RPS6KA3: variants seen among roughly 807,000 people sequenced by gnomAD.
RPS6KA3 encodes the protein ribosomal protein S6 kinase alpha-3.
RPS6KA3 carries 4 observed loss-of-function variants against 67.2 expected under a neutral mutation model. The observed-to-expected ratio is 0.06, with a 90% CI of 0.03 to 0.14. The LOEUF is 0.14. Ranked by LOEUF, RPS6KA3 falls within the 10% of genes least tolerant of loss-of-function variation. The pLI is 1.00. For missense variants in RPS6KA3, 204 were observed against 559.0 expected (o/e 0.36, Z 6.40); for synonymous variants, 182 against 183.7 (o/e 0.99, Z 0.07).
chrX:20,172,203 C>T (rs2067590368), intron 15 of RPS6KA3, among the ~76,000 whole-genome samples: 1 of 112,236 alleles, frequency 8.9e-6, no homozygotes, highest in African/African-American at 3.2e-5. Flanking sequence ...TGTTCACTTA[C>T]GACTAAAGGT....
intron 3 of RPS6KA3, among the ~76,000 whole-genome samples, chrX:20,205,889 T>G (rs2068562304): frequency 8.9e-6 from 1 of 112,561 alleles, no homozygotes; most frequent in African/African-American, 3.2e-5. Flanking sequence ...GTTTGCAAAA[T>G]ACTTTCACAA....
At chrX:20,192,119 C>T (rs764919743) in intron 7 of RPS6KA3, among the ~76,000 whole-genome samples, 1 of 111,204 alleles carries the variant, frequency 9.0e-6, no homozygotes, top group Admixed American at 9.6e-5. Context: ...TAAAAATATT[C>T]CTGGTAGAGC....
chrX:20,157,854 C>T (rs973915589), intron 20 of RPS6KA3, among the ~76,000 whole-genome samples: 2 of 111,237 alleles, frequency 1.8e-5, no homozygotes, highest in African/African-American at 3.3e-5. Context: ...CAGTACAATG[C>T]GGCTACAGCA....
chrX:20,174,516 T>G (rs2067651535), intron 14 of RPS6KA3, among the ~76,000 whole-genome samples: 1 of 108,010 alleles, frequency 9.3e-6, no homozygotes, highest in African/African-American at 3.4e-5. Flanking sequence ...GCCCAGCTAA[T>G]TTTTGTATTT....
intron 2 of RPS6KA3, among the ~76,000 whole-genome samples, chrX:20,221,667 G>A (rs1212935893): frequency 8.9e-6 from 1 of 111,960 alleles, no homozygotes; most frequent in Non-Finnish European, 1.9e-5. Context: ...ACAGGTGACA[G>A]GCCCATGAGT....
At chrX:20,207,833 T>G (rs1221193664) in intron 3 of RPS6KA3, among the ~76,000 whole-genome samples, 1 of 112,254 alleles carries the variant, frequency 8.9e-6, no homozygotes, top group Non-Finnish European at 1.9e-5. Context: ...ATTACCTATG[T>G]TAGCCAAGAA....
At chrX:20,265,361 G>T (rs1050898615) in intron 1 of RPS6KA3, 1 of 112,098 alleles carries the variant, frequency 8.9e-6, no homozygotes, top group Non-Finnish European at 1.9e-5. Flanking sequence ...TTTTACTGAC[G>T]TAACCAGTAA....
chrX:20,257,648 T>C (rs2147073305), intron 1 of RPS6KA3, among the ~76,000 whole-genome samples: 1 of 112,200 alleles, frequency 8.9e-6, no homozygotes, highest in Admixed American at 9.4e-5. Context: ...ACTTTTTCCG[T>C]TTTAACTAGC....
intron 15 of RPS6KA3, among the ~76,000 whole-genome samples, chrX:20,171,416 A>C (rs775916073): frequency 8.9e-6 from 1 of 111,834 alleles, no homozygotes; most frequent in South Asian, 3.7e-4. Flanking sequence ...TTAAGAGGAG[A>C]GGTATATGGA....
chrX:20,235,674 A>AGGGTAC (rs1433958346), intron 1 of RPS6KA3, among the ~76,000 whole-genome samples: 7 of 111,737 alleles, frequency 6.3e-5, no homozygotes. Flanking sequence ...AGTATTAACG[A>AGGGTAC]GGGTACGGGG....
Position 20,178,481 on chromosome X carries a change from G to GTTTTTTT in RPS6KA3, c.846-1404_846-1398dup, listed in dbSNP as rs59662504. 5.0e-3 allele frequency among the ~76,000 whole-genome samples: 424 copies of GTTTTTTT among 84,382 alleles called. 1 individual carries two copies. Among genetic ancestry groups the GTTTTTTT allele is most frequent in the African/African-American group, 0.018 (395 of 22,147 alleles). The allele number at this position is 84,382 out of a possible 115,157, so 73.3% of individuals were successfully genotyped here. On this transcript the variant is annotated intron_variant, in intron 10 of 21. Coordinates refer to ENST00000379565, the MANE Select transcript of RPS6KA3 (RefSeq NM_004586.3). Reference sequence around the variant, plus strand: ...TGAGAAATCTAGAGCAAACAAATCAGTTTTTTTTTTTTTTTTTTTTAAGAC... The same window carrying GTTTTTTT: ...TGAGAAATCTAGAGCAAACAAATCAGTTTTTTTTTTTTTTTTTTTTTTTTTTTAAGAC...
rs193166767 is a variant in RPS6KA3, at chrX:20,155,763, G to A, written c.2101-243C>T. Among the ~76,000 whole-genome samples the A allele has an allele frequency of 2.0e-3, 222 of 111,488 alleles. 1 individual carries two copies. The highest frequency in any genetic ancestry group is 2.8e-3 in the Non-Finnish European group (147 of 53,135). ...TAACAGGCAGTCCTCACTTTTCTCAGGACTATTCAACATTTTTTCCCTTTG... is the reference window on the plus strand; with the variant it reads ...TAACAGGCAGTCCTCACTTTTCTCAAGACTATTCAACATTTTTTCCCTTTG... On this transcript the variant is annotated intron_variant, in intron 21 of 21. Transcript: ENST00000379565.
At chrX:20,234,429 C>T (rs1400047198) in intron 2 of RPS6KA3, among the ~76,000 whole-genome samples, 5 of 111,722 alleles carry the variant, frequency 4.5e-5, no homozygotes, top group African/African-American at 1.3e-4. Flanking sequence ...GAGCCAAGAT[C>T]GCGCCATTGC....
intron 3 of RPS6KA3, among the ~76,000 whole-genome samples, chrX:20,206,096 C>G (rs1040040256): frequency 1.8e-5 from 2 of 111,606 alleles, no homozygotes; most frequent in African/African-American, 6.5e-5. Context: ...TCCCTTTGGC[C>G]AGTAACCAGG....
At chrX:20,253,420 T>C (rs1470895865) in intron 1 of RPS6KA3, among the ~76,000 whole-genome samples, 2 of 111,259 alleles carry the variant, frequency 1.8e-5, no homozygotes, top group East Asian at 2.8e-4. Context: ...CATAGCACCC[T>C]GTCTAGGATA....
At chrX:20,188,071 T>A (rs1342014492) in intron 8 of RPS6KA3, 101 bp from the exon 9 acceptor site, 2 of 818,907 alleles carry the variant, frequency 2.4e-6, no homozygotes, top group Non-Finnish European at 1.8e-6. Context: ...AATACAAGTT[T>A]TTTTTGTTTG....
rs190549611 is a variant in RPS6KA3, at chrX:20,262,863, A to C, written c.69+3701T>G. On this transcript the variant is annotated intron_variant, in intron 1 of 21. Transcript: ENST00000379565. ...AATAAGAAACCTATATAATATTGAT[A>C]TAGTAGAAATACTATAAAATCTATG... 2.7e-5 allele frequency among the ~76,000 whole-genome samples: 3 copies of C among 112,021 alleles called. No individual in the cohort carries two copies. In the South Asian group the frequency reaches 1.1e-3, roughly 41 times the overall value.
Position 20,171,573 on chromosome X carries a change from G to A in RPS6KA3, c.1353+1173C>T, listed in dbSNP as rs142310495. On this transcript the variant is annotated intron_variant, in intron 15 of 21. Transcript: ENST00000379565. Reference sequence around the variant, plus strand: ...TGTGCTTGTGGACCTCAAATATGTGGTAATTTCAGTAGAATCCAGTTGTGT... The same window carrying A: ...TGTGCTTGTGGACCTCAAATATGTGATAATTTCAGTAGAATCCAGTTGTGT... 1.3e-3 allele frequency among the ~76,000 whole-genome samples: 149 copies of A among 111,684 alleles called. 2 individuals are homozygous for A. In the East Asian group the frequency reaches 0.027, roughly 20 times the overall value.
At chrX:20,222,128 T>C (rs2069000487) in intron 2 of RPS6KA3, among the ~76,000 whole-genome samples, 1 of 112,776 alleles carries the variant, frequency 8.9e-6, no homozygotes, top group South Asian at 3.6e-4. Context: ...TGGCCCGTTA[T>C]AGACAAAGTT....
Sources: gnomAD v4.1 joint callset for allele counts (sites outside exome capture counted in the v4.1 genomes callset) on GRCh38, gnomAD v4.1.1 for gene constraint, MANE v1.5 for transcripts, NCBI Gene and HGNC (gene_info 2026-07-23, HGNC 2026-07-21) for gene names.